The following ATP8B2 variants were observed in gnomAD, a reference collection of about 807,000 sequenced individuals.
ATP8B2 encodes the protein phospholipid-transporting ATPase ID.
Under a neutral mutation model 133.4 loss-of-function variants are expected in ATP8B2, and 70 were observed. The observed-to-expected ratio is 0.52, with a 90% CI of 0.43 to 0.64. The LOEUF is 0.64. ATP8B2 is among the 30% of genes least tolerant of loss of function. ATP8B2 has a pLI of 0.00. For missense variants in ATP8B2, 1,101 were observed against 1,535.7 expected, an observed-to-expected ratio of 0.72 and a Z score of 4.73; for synonymous variants, 517 against 589.5, an observed-to-expected ratio of 0.88 and a Z score of 1.78.
rs762240638 is a variant in ATP8B2, at chr1:154,343,276, C to T, written c.1617C>T (p.Asn539=). The T allele has an allele frequency of 2.5e-6, 4 of 1,614,128 alleles. No individual in the cohort carries two copies. Among genetic ancestry groups the T allele is most frequent in the South Asian group, 2.2e-5 (2 of 91,086 alleles). The change falls in exon 16 of 28, where the codon AAC becomes AAT. Residue 539 remains asparagine (N), a synonymous_variant. Coordinates refer to ENST00000368489, the MANE Select transcript of ATP8B2 (RefSeq NM_001370597.1). This position sits in a 1 kb window ranked among gnomAD's most constrained non-coding sequence, Gnocchi z 5.8. ...YQLLAILDFN[N]IRKRMSVIVR... ...TGCTGGCCATCCTGGACTTCAACAA[C>T]ATCCGCAAGCGGATGTCGGTCATAG...
Position 154,331,713 on chromosome 1 carries a change from T to A in ATP8B2, c.438+35T>A. ...AGGGTACCCCTCTAGGCCTGTAGGT[T>A]CTTCCTCTTCTTTGTGAGAAAAGGA... On this transcript the variant is annotated intron_variant, in intron 7 of 27. Coordinates refer to ENST00000368489, the MANE Select transcript of ATP8B2 (RefSeq NM_001370597.1). The surrounding 1 kb of genome is among the most constrained non-coding windows in gnomAD (Gnocchi z 4.8). The A allele has an allele frequency of 6.3e-7, 1 of 1,584,008 alleles. No individual in the cohort carries two copies. The highest frequency in any genetic ancestry group is 8.7e-7 in the Non-Finnish European group (1 of 1,152,626).
At chr1:154,335,167 G>T (rs1351269287) in intron 11 of ATP8B2, among the ~76,000 whole-genome samples, 1 of 152,162 alleles carries the variant, frequency 6.6e-6, no homozygotes, top group Non-Finnish European at 1.5e-5. Flanking sequence ...TGGTGAGCTT[G>T]TTTCCGCCCT....
chr1:154,339,309 C>T (rs1570862387), intron 12 of ATP8B2, among the ~76,000 whole-genome samples: 1 of 152,316 alleles, frequency 6.6e-6, no homozygotes, highest in South Asian at 2.1e-4. Context: ...GGAAAATCCA[C>T]GGTCACTCAG....
intron 13 of ATP8B2, 133 bp downstream of exon 13, chr1:154,341,195 T>G (rs1290124914): frequency 1.9e-5 from 18 of 944,310 alleles, no homozygotes; most frequent in Non-Finnish European, 2.6e-5. Flanking sequence ...GAAGAAAGGG[T>G]CCATCCTGGC....
intron 11 of ATP8B2, among the ~76,000 whole-genome samples, chr1:154,336,451 G>A (rs1351738296): frequency 9.6e-5 from 14 of 145,536 alleles, no homozygotes; most frequent in Non-Finnish European, 8.9e-5. Flanking sequence ...GATAAGCTTA[G>A]AAAAAAAAAA....
rs767319466 is a variant in ATP8B2, at chr1:154,337,552, C to G, written c.1034+8C>G. The G allele has an allele frequency of 6.8e-6, 11 of 1,614,120 alleles. No homozygotes were observed. Among genetic ancestry groups the G allele is most frequent in the Non-Finnish European group, 8.5e-6 (10 of 1,179,972 alleles). On this transcript the variant is annotated splice_region_variant and intron_variant, in intron 12 of 27. Coordinates refer to ENST00000368489, the MANE Select transcript of ATP8B2 (RefSeq NM_001370597.1). Reference sequence around the variant, plus strand: ...CATTTCACTCTATGTCAGGTATGTGCCTTCTCTGACCTGGGGTCTCTCCAG... The same window carrying G: ...CATTTCACTCTATGTCAGGTATGTGGCTTCTCTGACCTGGGGTCTCTCCAG...
In ATP8B2 at chr1:154,349,406, C is replaced by G; in HGVS notation, c.*288C>G. On this transcript the variant is annotated 3_prime_UTR_variant, in exon 28 of 28. Coordinates refer to ENST00000368489, the MANE Select transcript of ATP8B2 (RefSeq NM_001370597.1). Reference sequence around the variant, plus strand: ...AAGTGGAACCAAAAACAAGAAAAAACTGTGAGAGATTGTGTCTGCCCCTGC... The same window carrying G: ...AAGTGGAACCAAAAACAAGAAAAAAGTGTGAGAGATTGTGTCTGCCCCTGC... 1 of 464,470 alleles carries G rather than the reference C, an allele frequency of 2.2e-6. No homozygotes were observed. Among genetic ancestry groups the G allele is most frequent in the South Asian group, 3.0e-5 (1 of 33,152 alleles). The allele number at this position is 464,470 out of a possible 1,614,324, so 28.8% of individuals were successfully genotyped here. A position where few individuals can be genotyped will look rare whatever the true frequency, so the allele number is the denominator to read the frequency against.
At chr1:154,348,808 GAC>G in intron 27 of ATP8B2, 30 bp from the exon 28 acceptor site, 1 of 1,549,914 alleles carries the variant, frequency 6.5e-7, no homozygotes, top group Non-Finnish European at 8.8e-7. Flanking sequence ...CCTCCACGCT[GAC>G]AGAGGGCTCT....
Position 154,344,193 on chromosome 1 carries a change from G to T in ATP8B2, c.1974G>T (p.Glu658Asp), listed in dbSNP as rs2149173724. The T allele has an allele frequency of 6.2e-7, 1 of 1,614,244 alleles. No individual in the cohort carries two copies. ...IEDKLQQGVPETIALLTLANI... is the reference protein window; with the variant it reads ...IEDKLQQGVPDTIALLTLANI... Reference sequence around the variant, plus strand: ...ACAAACTTCAGCAAGGGGTTCCAGAGACCATTGCCCTCCTGACACTGGCCA... The same window carrying T: ...ACAAACTTCAGCAAGGGGTTCCAGATACCATTGCCCTCCTGACACTGGCCA... Residue 658 changes from glutamate (E) to aspartate (D), a missense_variant, in exon 19 of 28, where the codon GAG becomes GAT. By Grantham distance (45) the Glu-to-Asp change is conservative. Coordinates refer to ENST00000368489, the MANE Select transcript of ATP8B2 (RefSeq NM_001370597.1). This position sits in a 1 kb window ranked among gnomAD's most constrained non-coding sequence, Gnocchi z 4.1.
rs2149170647 is a variant in ATP8B2, at chr1:154,340,927, A to T, written c.1108A>T (p.Thr370Ser). 6.2e-7 allele frequency: 1 copy of T among 1,614,106 alleles called. No individual in the cohort carries two copies. Among genetic ancestry groups the T allele is most frequent in the Non-Finnish European group, 8.5e-7 (1 of 1,180,004 alleles). ...DKKMFCMKKR[T>S]PAEARTTTLN... ...GAAGATGTTCTGCATGAAGAAGCGG[A>T]CGCCTGCAGAAGCCCGCACCACCAC... Residue 370 changes from threonine to serine, a missense_variant, in exon 13 of 28, where the codon ACG (threonine) becomes TCG (serine). Transcript: ENST00000368489. This position sits in a 1 kb window ranked among gnomAD's most constrained non-coding sequence, Gnocchi z 4.0.
rs1685983076 is a variant in ATP8B2, at chr1:154,331,324, T to G, written c.304-120T>G. ...AGCGTGGGGAGAGGGAATCAGGGAG[T>G]GAACTGGTTTGTGATGGGGTGTGTA... On this transcript the variant is annotated intron_variant, in intron 5 of 27. Transcript: ENST00000368489. The surrounding 1 kb of genome is among the most constrained non-coding windows in gnomAD (Gnocchi z 4.8). 2 of 1,190,932 alleles carry G rather than the reference T, an allele frequency of 1.7e-6. No homozygotes were observed. Among genetic ancestry groups the G allele is most frequent in the Non-Finnish European group, 2.5e-6 (2 of 813,960 alleles). 73.8% of individuals were successfully genotyped at this position (1,190,932 alleles called of 1,614,324 possible).
At position 154,343,436 on chromosome 1, in the gene ATP8B2, A is replaced by C. The variant is rs1686453909; in HGVS notation, c.1643-17A>C. On this transcript the variant is annotated splice_polypyrimidine_tract_variant and intron_variant, in intron 16 of 27. Coordinates refer to ENST00000368489, the MANE Select transcript of ATP8B2 (RefSeq NM_001370597.1). The surrounding 1 kb of genome is among the most constrained non-coding windows in gnomAD (Gnocchi z 5.8). ...TCTGAATTTTTCTGGCACTTTCTTC[A>C]CCTGCCCCATTCATAGTGCGGAATC... 6.2e-7 allele frequency: 1 copy of C among 1,612,810 alleles called. No homozygotes were observed. The highest frequency in any genetic ancestry group is 8.5e-7 in the Non-Finnish European group (1 of 1,179,258).
At chr1:154,336,257 C>T (rs1323367188) in intron 11 of ATP8B2, among the ~76,000 whole-genome samples, 1 of 152,030 alleles carries the variant, frequency 6.6e-6, no homozygotes, top group Non-Finnish European at 1.5e-5. Context: ...GTTTCTTCAT[C>T]ATATAGATGA....
At chr1:154,327,826 T>G in intron 1 of ATP8B2, 2 of 1,613,980 alleles carry the variant, frequency 1.2e-6, no homozygotes, top group Non-Finnish European at 1.7e-6. Context: ...CTGTTCCCCT[T>G]TTTTCAATAT....
Position 154,344,080 on chromosome 1 carries a change from A to G in ATP8B2, c.1923+23A>G. The G allele has an allele frequency of 2.5e-6, 4 of 1,614,132 alleles. No individual in the cohort carries two copies. The highest frequency in any genetic ancestry group is 1.7e-5 in the Admixed American group (1 of 60,026). On this transcript the variant is annotated intron_variant, in intron 18 of 27. Coordinates refer to ENST00000368489, the MANE Select transcript of ATP8B2 (RefSeq NM_001370597.1). This position sits in a 1 kb window ranked among gnomAD's most constrained non-coding sequence, Gnocchi z 4.1. Reference sequence around the variant, plus strand: ...ATGGTACGGGCTGCGGGACGGGCCAAGGATGGGCACGGAGGGCTCATGCCT... The same window carrying G: ...ATGGTACGGGCTGCGGGACGGGCCAGGGATGGGCACGGAGGGCTCATGCCT...
At chr1:154,330,495 A>G in intron 3 of ATP8B2, 41 bp downstream of exon 3, 1 of 1,602,510 alleles carries the variant, frequency 6.2e-7, no homozygotes, top group Non-Finnish European at 8.5e-7. Context: ...CTCTGTTTGG[A>G]GAGGGGAATG....
In ATP8B2 at chr1:154,328,031, C is replaced by CA; in HGVS notation, c.-37-70dup. The CA allele has an allele frequency of 6.5e-7, 1 of 1,547,500 alleles. No homozygotes were observed. Among genetic ancestry groups the CA allele is most frequent in the South Asian group, 1.1e-5 (1 of 89,684 alleles). ...GGTCAGAGCTGGAGAAGAGGGTCTT[C>CA]AAAAGAGGTCTCATGAGGGGAGGGA... is the stretch of plus-strand genomic sequence containing the variant. On this transcript the variant is annotated intron_variant, in intron 1 of 27. Transcript: ENST00000368489. The surrounding 1 kb of genome is among the most constrained non-coding windows in gnomAD (Gnocchi z 4.6).
rs949250336 is a variant in ATP8B2 at position 154,345,923 on chromosome 1, G to A, written c.2778+40G>A. The stretch of plus-strand genomic sequence containing the variant: ...GATGATCAGATGGGATGCGGGGAAG[G>A]TCACTGCTTGAAGGAGTCACATAGA... On this transcript the variant is annotated intron_variant, in intron 24 of 27. Coordinates refer to ENST00000368489, the MANE Select transcript of ATP8B2 (RefSeq NM_001370597.1). This position sits in a 1 kb window ranked among gnomAD's most constrained non-coding sequence, Gnocchi z 5.6. The A allele has an allele frequency of 1.9e-6, 3 of 1,540,138 alleles. No individual in the cohort carries two copies. The African/African-American group carries it at 4.1e-5, about 21-fold the overall frequency.
chr1:154,328,900 C>T lies in ATP8B2; in HGVS notation c.31+728C>T. On this transcript the variant is annotated intron_variant, in intron 2 of 27. Coordinates refer to ENST00000368489, the MANE Select transcript of ATP8B2 (RefSeq NM_001370597.1). The surrounding 1 kb of genome is among the most constrained non-coding windows in gnomAD (Gnocchi z 4.6). The stretch of plus-strand genomic sequence containing the variant: ...GGCTCCCCTCTGAGCGGCTGCGGCT[C>T]CTGCACCTCCCCGGGGAGCCGCCCC... 1 of 1,275,876 alleles carries T rather than the reference C, an allele frequency of 7.8e-7. No individual in the cohort carries two copies. 79.0% of individuals were successfully genotyped at this position (1,275,876 alleles called of 1,614,324 possible).
Sources: gnomAD v4.1 joint callset for allele counts (sites outside exome capture counted in the v4.1 genomes callset) on GRCh38, gnomAD v4.1.1 for gene constraint, Gnocchi (gnomAD v3.1) non-coding constraint, MANE v1.5 for transcripts, NCBI Gene and HGNC (gene_info 2026-07-23, HGNC 2026-07-21) for gene names.